Variants in RPS6KC1 observed in about 807,000 individuals in gnomAD.
RPS6KC1 encodes inactive ribosomal protein S6 kinase delta-1.
A neutral mutation model predicts 103.8 loss-of-function variants in RPS6KC1; 54 were observed. The observed-to-expected ratio is 0.52, with a 90% CI of 0.42 to 0.65. The LOEUF (loss-of-function observed/expected upper bound fraction) is 0.65. Among genes scored for constraint, RPS6KC1 ranks in the 30% least tolerant of loss-of-function variants. The pLI is 0.00. For missense variants in RPS6KC1, 1,151 were observed against 1,253.8 expected (o/e 0.92, Z 1.24); for synonymous variants, 439 against 438.7 (o/e 1.00, Z -0.01).
At chr1:213,807,978 T>G in the RPS6KC1 span, among the ~76,000 whole-genome samples, 3 of 152,210 alleles carry the variant, frequency 2.0e-5, no homozygotes, top group African/African-American at 4.8e-5. Context: ...TTCTGTTTGT[T>G]AGTTTTCCTT....
chr1:213,368,023 G>T, the RPS6KC1 span, among the ~76,000 whole-genome samples: 1 of 152,132 alleles, frequency 6.6e-6, no homozygotes, highest in Non-Finnish European at 1.5e-5. Flanking sequence ...GGAACTGAGG[G>T]GTTACAAATT....
At chr1:213,588,790 C>T in the RPS6KC1 span, among the ~76,000 whole-genome samples, 1 of 152,140 alleles carries the variant, frequency 6.6e-6, no homozygotes, top group African/African-American at 2.4e-5. Flanking sequence ...GGTCCCTCTG[C>T]AGGAGGTGCA....
At chr1:213,767,513 T>C in the RPS6KC1 span, among the ~76,000 whole-genome samples, 1 of 152,148 alleles carries the variant, frequency 6.6e-6, no homozygotes, top group African/African-American at 2.4e-5. Flanking sequence ...GAAGACTCCT[T>C]TACCCATAGA....
the RPS6KC1 span, among the ~76,000 whole-genome samples, chr1:213,559,176 CAG>C: frequency 2.6e-5 from 4 of 152,126 alleles, no homozygotes. Flanking sequence ...ATTGAGGAAA[CAG>C]AGCACACAGG....
the RPS6KC1 span, among the ~76,000 whole-genome samples, chr1:213,472,778 A>G: frequency 6.6e-6 from 1 of 152,270 alleles, no homozygotes; most frequent in Non-Finnish European, 1.5e-5. Context: ...ACAATCTAAT[A>G]GAGAAAACAG....
At chr1:213,728,248 G>T in the RPS6KC1 span, among the ~76,000 whole-genome samples, 1 of 152,182 alleles carries the variant, frequency 6.6e-6, no homozygotes, top group African/African-American at 2.4e-5. Context: ...TATCTGAGGG[G>T]CTAGAGTACT....
At position 213,170,668 on chromosome 1, in the gene RPS6KC1, A is replaced by G. The variant is rs142911663; in HGVS notation, c.951+2695A>G. ...AAGGAGGCTAGAGGAGAGTAGGCAC[A>G]GTATTTTTCTTTTATGGTAAACATT... On this transcript the variant is annotated intron_variant, in intron 7 of 14. Coordinates refer to ENST00000366960, the MANE Select transcript of RPS6KC1 (RefSeq NM_012424.6). Among the ~76,000 whole-genome samples the G allele has an allele frequency of 3.3e-5, 5 of 152,354 alleles. No homozygotes were observed. The East Asian group carries it at 5.8e-4, about 18-fold the overall frequency.
At chr1:213,326,574 C>T in the RPS6KC1 span, among the ~76,000 whole-genome samples, 3 of 152,174 alleles carry the variant, frequency 2.0e-5, no homozygotes, top group Non-Finnish European at 2.9e-5. Context: ...TATTACCCCC[C>T]CAAACAATAT....
chr1:213,570,647 A>T, the RPS6KC1 span, among the ~76,000 whole-genome samples: 11 of 152,184 alleles, frequency 7.2e-5, no homozygotes, highest in Admixed American at 2.0e-4. Context: ...GGTGAGTCTC[A>T]TCTGGCTTGT....
chr1:213,835,269 A>G, the RPS6KC1 span, among the ~76,000 whole-genome samples: 9 of 152,226 alleles, frequency 5.9e-5, no homozygotes, highest in Non-Finnish European at 1.2e-4. Context: ...GGCAAGGACA[A>G]GTTCAGGAAA....
chr1:213,672,454 A>T, the RPS6KC1 span, among the ~76,000 whole-genome samples: 2 of 152,346 alleles, frequency 1.3e-5, no homozygotes, highest in East Asian at 3.9e-4. Flanking sequence ...AATCTTTACC[A>T]TAGAGGACCT....
At chr1:213,599,741 G>A in the RPS6KC1 span, among the ~76,000 whole-genome samples, 33 of 152,148 alleles carry the variant, frequency 2.2e-4, no homozygotes, top group African/African-American at 5.6e-4. Context: ...ATGTGGATTC[G>A]AAGGGCATGG....
At chr1:213,653,479 C>T in the RPS6KC1 span, among the ~76,000 whole-genome samples, 1 of 151,972 alleles carries the variant, frequency 6.6e-6, no homozygotes, top group South Asian at 2.1e-4. Flanking sequence ...AAATTACTAG[C>T]ATTCTTAATT....
chr1:213,796,120 A>C, the RPS6KC1 span, among the ~76,000 whole-genome samples: 1 of 152,212 alleles, frequency 6.6e-6, no homozygotes, highest in Non-Finnish European at 1.5e-5. Context: ...CCTTGTCAAA[A>C]ACATGCCCCC....
the RPS6KC1 span, among the ~76,000 whole-genome samples, chr1:213,581,021 G>C: frequency 2.6e-5 from 4 of 151,976 alleles, no homozygotes; most frequent in African/African-American, 9.7e-5. Flanking sequence ...TTATATAAGG[G>C]ACCTGAGCGT....
chr1:213,728,964 T>TTTTTTTTTTTTTTTTTTC, the RPS6KC1 span, among the ~76,000 whole-genome samples: 1 of 143,156 alleles, frequency 7.0e-6, no homozygotes, highest in East Asian at 2.1e-4. Context: ...TTTTTTTTTT[T>TTTTTTTTTTTTTTTTTTC]TACCAGTGGA....
At chr1:213,348,836 T>C in the RPS6KC1 span, among the ~76,000 whole-genome samples, 1 of 152,182 alleles carries the variant, frequency 6.6e-6, no homozygotes, top group African/African-American at 2.4e-5. Context: ...AGCAGGCTCA[T>C]AAATGGTTTC....
At chr1:213,224,150 T>A (rs2148809741) in intron 8 of RPS6KC1, among the ~76,000 whole-genome samples, 1 of 152,356 alleles carries the variant, frequency 6.6e-6, no homozygotes, top group South Asian at 2.1e-4. Flanking sequence ...TAATCATCAT[T>A]TGATACTTTT....
At chr1:213,343,006 G>A in the RPS6KC1 span, among the ~76,000 whole-genome samples, 1 of 152,040 alleles carries the variant, frequency 6.6e-6, no homozygotes, top group Non-Finnish European at 1.5e-5. Flanking sequence ...TTAGTCAGGT[G>A]TGGTGGTGCA....
Sources: allele counts gnomAD v4.1 joint callset (sites outside exome capture counted in the v4.1 genomes callset), GRCh38; gene constraint gnomAD v4.1.1; transcripts MANE v1.5; gene names NCBI Gene and HGNC (gene_info 2026-07-23, HGNC 2026-07-21).